The following NAA35 variants were observed in gnomAD, a reference collection of about 807,000 sequenced individuals.
NAA35 encodes MAK10 homolog, amino-acid N-acetyltransferase subunit.
Under a neutral mutation model 101.7 loss-of-function variants are expected in NAA35, and 18 were observed. That is an observed-to-expected ratio of 0.18 (90% confidence interval 0.12 to 0.26). The LOEUF is 0.26. Among genes scored for constraint, NAA35 ranks in the 10% least tolerant of loss-of-function variants. NAA35 has a pLI of 1.00. For missense variants in NAA35, 601 were observed against 886.8 expected (o/e 0.68, Z 4.09); for synonymous variants, 267 against 273.1 (o/e 0.98, Z 0.22).
At chr9:85,963,016 T>C (rs980297397) in intron 6 of NAA35, among the ~76,000 whole-genome samples, 1 of 152,142 alleles carries the variant, frequency 6.6e-6, no homozygotes, top group African/African-American at 2.4e-5. Context: ...CATCTCAACC[T>C]AGGACTACAA....
Position 86,022,432 on chromosome 9 carries a change from C to G in NAA35, c.*472C>G, listed in dbSNP as rs1200631698. Reference sequence around the variant, plus strand: ...TTCAAATCAAGGGATTAATTAAACACTTGTATGAGATTTTGGTAAAATACA... The same window carrying G: ...TTCAAATCAAGGGATTAATTAAACAGTTGTATGAGATTTTGGTAAAATACA... On this transcript the variant is annotated 3_prime_UTR_variant, in exon 23 of 23. Transcript: ENST00000361671. 1.3e-5 allele frequency: 2 copies of G among 152,510 alleles called. No homozygotes were observed. The highest frequency in any genetic ancestry group is 4.8e-5 in the African/African-American group (2 of 41,426). The allele number at this position is 152,510 out of a possible 1,614,324, so 9.4% of individuals were successfully genotyped here. A position where few individuals can be genotyped will look rare whatever the true frequency, so the allele number is the denominator to read the frequency against.
Position 86,025,304 on chromosome 9 carries a change from G to A in NAA35, c.*3344G>A, listed in dbSNP as rs558845399. On this transcript the variant is annotated 3_prime_UTR_variant, in exon 23 of 23. Transcript: ENST00000361671. ...TGGCAAGTAAAGATTGCTGGCGACT[G>A]GGGCGAGCTCTTTCTTGAAGGGGTG... 2.6e-5 allele frequency among the ~76,000 whole-genome samples: 4 copies of A among 152,144 alleles called. No homozygotes were observed. The highest frequency in any genetic ancestry group is 9.7e-5 in the African/African-American group (4 of 41,436).
At chr9:85,952,492 C>T (rs1829064923) in intron 2 of NAA35, among the ~76,000 whole-genome samples, 1 of 151,944 alleles carries the variant, frequency 6.6e-6, no homozygotes, top group Non-Finnish European at 1.5e-5. Flanking sequence ...ACCATGTTGG[C>T]CAGGCTGGTC....
intron 16 of NAA35, 110 bp downstream of exon 16, chr9:86,013,254 C>T (rs1832037658): frequency 3.5e-6 from 2 of 578,716 alleles, no homozygotes; most frequent in Admixed American, 6.8e-5. Context: ...TCAACATGAT[C>T]CACTTTTCAC....
intron 6 of NAA35, among the ~76,000 whole-genome samples, chr9:85,963,351 AC>A (rs1332299571): frequency 6.8e-6 from 1 of 146,316 alleles, no homozygotes; most frequent in African/African-American, 2.6e-5. Flanking sequence ...GCTCACTGCA[AC>A]CTCCATCTCC....
intron 1 of NAA35, chr9:85,941,534 T>C (rs1006183295): frequency 1.0e-6 from 1 of 985,466 alleles, no homozygotes; most frequent in Admixed American, 6.1e-5. Flanking sequence ...TCCTTGCTTA[T>C]GCGCCCAGTG....
At chr9:85,971,763 T>G (rs1479817965) in intron 6 of NAA35, among the ~76,000 whole-genome samples, 1 of 152,210 alleles carries the variant, frequency 6.6e-6, no homozygotes, top group Non-Finnish European at 1.5e-5. Flanking sequence ...GAGGCTTGAT[T>G]GTATAGTTTA....
At chr9:85,998,575 G>A (rs1239504757) in intron 12 of NAA35, among the ~76,000 whole-genome samples, 2 of 151,950 alleles carry the variant, frequency 1.3e-5, no homozygotes, top group Non-Finnish European at 2.9e-5. Flanking sequence ...TTTTTTATGG[G>A]TTAAAATATA....
chr9:86,004,995 T>A (rs1393800291), intron 13 of NAA35, among the ~76,000 whole-genome samples: 2 of 152,184 alleles, frequency 1.3e-5, no homozygotes, highest in African/African-American at 2.4e-5. Context: ...GAGCCAGAAT[T>A]TACTCTATCA....
chr9:86,004,005 G>A (rs535774452), intron 13 of NAA35, among the ~76,000 whole-genome samples: 1 of 152,272 alleles, frequency 6.6e-6, no homozygotes, highest in African/African-American at 2.4e-5. Context: ...CTTGAGGGGA[G>A]TTCAAAAATA....
chr9:86,012,767 C>T (rs1832006675), intron 15 of NAA35, among the ~76,000 whole-genome samples: 2 of 152,128 alleles, frequency 1.3e-5, no homozygotes, highest in South Asian at 4.1e-4. Context: ...AGAAATTGTC[C>T]TTGTGAAATT....
intron 12 of NAA35, among the ~76,000 whole-genome samples, chr9:85,996,809 C>T (rs1439811803): frequency 6.6e-6 from 1 of 152,144 alleles, no homozygotes; most frequent in Non-Finnish European, 1.5e-5. Context: ...AGCTTTTACA[C>T]TATTTTAGAG....
intron 21 of NAA35, among the ~76,000 whole-genome samples, chr9:86,020,332 G>A (rs1307208584): frequency 6.6e-6 from 1 of 152,180 alleles, no homozygotes; most frequent in East Asian, 1.9e-4. Flanking sequence ...TCAAAGATGA[G>A]TCTGTGCTCC....
At chr9:85,978,403 A>T (rs140476279) in intron 11 of NAA35, 22 bp downstream of exon 11, 1 of 1,465,688 alleles carries the variant, frequency 6.8e-7, no homozygotes, top group South Asian at 1.1e-5. Flanking sequence ...ATTTGCTCCT[A>T]CTCTTTCTTT....
At chr9:86,001,716 G>T (rs898626394) in intron 12 of NAA35, among the ~76,000 whole-genome samples, 2 of 152,028 alleles carry the variant, frequency 1.3e-5, no homozygotes, top group African/African-American at 4.8e-5. Flanking sequence ...TTTTCCATTT[G>T]CTTGGAAGAT....
At position 86,025,263 on chromosome 9, in the gene NAA35, A is replaced by G. The variant is rs1246017950; in HGVS notation, c.*3303A>G. ...AGAGGCCATTAAGAGAAGGACTGAA[A>G]AGAGCCCATTGAACTTGGCAAGTAA... On this transcript the variant is annotated 3_prime_UTR_variant, in exon 23 of 23. Transcript: ENST00000361671. 6.6e-6 allele frequency among the ~76,000 whole-genome samples: 1 copy of G among 152,138 alleles called. No homozygotes were observed. Among genetic ancestry groups the G allele is most frequent in the Non-Finnish European group, 1.5e-5 (1 of 68,032 alleles).
intron 19 of NAA35, 85 bp downstream of exon 19, chr9:86,017,650 T>C (rs1247674927): frequency 3.7e-6 from 4 of 1,090,310 alleles, no homozygotes; most frequent in African/African-American, 3.2e-5. Flanking sequence ...TGTGATTCTT[T>C]CCATATTATA....
At chr9:85,945,369 T>C (rs1320865655) in intron 2 of NAA35, among the ~76,000 whole-genome samples, 1 of 152,238 alleles carries the variant, frequency 6.6e-6, no homozygotes, top group African/African-American at 2.4e-5. Flanking sequence ...TATTTTCCCG[T>C]CTTGGAATAA....
chr9:85,975,960 C>T (rs1235949111), intron 8 of NAA35, among the ~76,000 whole-genome samples: 1 of 151,984 alleles, frequency 6.6e-6, no homozygotes, highest in Non-Finnish European at 1.5e-5. Context: ...AGTTATATTT[C>T]TACATTTTTT....
Sources: allele counts gnomAD v4.1 joint callset (sites outside exome capture counted in the v4.1 genomes callset), GRCh38; gene constraint gnomAD v4.1.1; transcripts MANE v1.5; gene names NCBI Gene and HGNC (gene_info 2026-07-23, HGNC 2026-07-21).